Variants in OCIAD2 observed in about 807,000 individuals in gnomAD.
OCIAD2 encodes OCIA domain-containing protein 2.
A neutral mutation model predicts 22.9 loss-of-function variants in OCIAD2; 29 were observed. The ratio of observed to expected loss-of-function variants is 1.27; its 90% confidence interval spans 0.94 to 1.73. The LOEUF (loss-of-function observed/expected upper bound fraction) is 1.73. Among genes scored for constraint, OCIAD2 ranks in the 40% most tolerant of loss-of-function variants. The probability of loss-of-function intolerance (pLI) is 0.00; values close to 1 mark genes in which losing one functional copy is unlikely to be tolerated. For synonymous variants in OCIAD2, 67 were observed against 60.2 expected (o/e 1.11, Z -0.52); for missense variants, 189 against 180.3 (o/e 1.05, Z -0.28).
chr4:48,888,237 C>T (rs1781051177), intron 6 of OCIAD2, among the ~76,000 whole-genome samples: 1 of 152,118 alleles, frequency 6.6e-6, no homozygotes, highest in Non-Finnish European at 1.5e-5. Context: ...AGATTTTGGG[C>T]TGAGATGATG....
chr4:48,898,751 G>A (rs1422742448), intron 3 of OCIAD2, among the ~76,000 whole-genome samples: 1 of 152,166 alleles, frequency 6.6e-6, no homozygotes, highest in East Asian at 1.9e-4. Context: ...CATGTGTAAT[G>A]TTTAGCTATA....
chr4:48,888,956 C>T (rs1222857353), intron 6 of OCIAD2, among the ~76,000 whole-genome samples: 2 of 152,186 alleles, frequency 1.3e-5, no homozygotes, highest in East Asian at 1.9e-4. Context: ...GGCTGTGAAT[C>T]CGTCTGGTCC....
At chr4:48,894,448 G>T (rs1182167592) in intron 4 of OCIAD2, among the ~76,000 whole-genome samples, 1 of 152,012 alleles carries the variant, frequency 6.6e-6, no homozygotes, top group Non-Finnish European at 1.5e-5. Context: ...AGCTGAGATG[G>T]CACCGATGCA....
At chr4:48,886,589 T>C (rs1780996664) in intron 6 of OCIAD2, among the ~76,000 whole-genome samples, 1 of 150,192 alleles carries the variant, frequency 6.7e-6, no homozygotes, top group South Asian at 2.1e-4. Flanking sequence ...GAACATGCGG[T>C]GTTTGGTTTC....
At chr4:48,888,471 T>A (rs1354444326) in intron 6 of OCIAD2, among the ~76,000 whole-genome samples, 1 of 152,176 alleles carries the variant, frequency 6.6e-6, no homozygotes, top group African/African-American at 2.4e-5. Context: ...TGGCTGTGGG[T>A]TTGTCATAAA....
chr4:48,885,426 T>A lies in OCIAD2; in HGVS notation c.*58A>T. Reference sequence around the variant, plus strand: ...ATTTTATTTTAAAGTACACTTGAAATTTTAAATGTGTACAAATTCAGAGGT... The same window carrying A: ...ATTTTATTTTAAAGTACACTTGAAAATTTAAATGTGTACAAATTCAGAGGT... On this transcript the variant is annotated 3_prime_UTR_variant, in exon 7 of 7. Coordinates refer to ENST00000508632, the MANE Select transcript of OCIAD2 (RefSeq NM_001014446.3). 1 of 910,096 alleles carries A rather than the reference T, an allele frequency of 1.1e-6. No individual in the cohort carries two copies. The highest frequency in any genetic ancestry group is 1.4e-5 in the South Asian group (1 of 73,050). 56.4% of individuals were successfully genotyped at this position (910,096 alleles called of 1,614,324 possible).
chr4:48,899,507 T>G (rs1445896392), intron 3 of OCIAD2, among the ~76,000 whole-genome samples: 2 of 152,184 alleles, frequency 1.3e-5, no homozygotes, highest in East Asian at 3.8e-4. Context: ...TAGAGTCTGG[T>G]AGAATGTAGG....
At chr4:48,904,660 C>T in intron 1 of OCIAD2, 49 bp from the exon 2 acceptor site, 7 of 1,029,396 alleles carry the variant, frequency 6.8e-6, no homozygotes, top group South Asian at 5.2e-5. Flanking sequence ...ATGTTTGCAT[C>T]AAGCTTAAAA....
chr4:48,900,196 G>T (rs1781386757), intron 2 of OCIAD2, among the ~76,000 whole-genome samples: 1 of 143,740 alleles, frequency 7.0e-6, no homozygotes, highest in Non-Finnish European at 1.6e-5. Flanking sequence ...TTGCGATCAG[G>T]CTGAATCCCT....
intron 1 of OCIAD2, 64 bp from the exon 2 acceptor site, chr4:48,904,675 C>G (rs1781490715): frequency 1.2e-6 from 1 of 868,194 alleles, no homozygotes; most frequent in African/African-American, 1.7e-5. Context: ...TTAAAAGCAT[C>G]CTGAGGATCC....
At chr4:48,899,783 T>C (rs1781376814) in intron 3 of OCIAD2, 46 bp downstream of exon 3, 1 of 1,310,034 alleles carries the variant, frequency 7.6e-7, no homozygotes, top group South Asian at 1.2e-5. Flanking sequence ...TCTAATATGA[T>C]ATTTAGGCAG....
intron 2 of OCIAD2, among the ~76,000 whole-genome samples, chr4:48,901,846 T>G (rs1239520591): frequency 6.6e-6 from 1 of 152,138 alleles, no homozygotes; most frequent in African/African-American, 2.4e-5. Flanking sequence ...GGGCTCAAGT[T>G]AACCTCCCAC....
Position 48,885,414 on chromosome 4 carries a change from G to C in OCIAD2, c.*70C>G. 1 of 837,612 alleles carries C rather than the reference G, an allele frequency of 1.2e-6. No individual in the cohort carries two copies. Among genetic ancestry groups the C allele is most frequent in the Non-Finnish European group, 2.1e-6 (1 of 485,514 alleles). 51.9% of individuals were successfully genotyped at this position (837,612 alleles called of 1,614,324 possible). On this transcript the variant is annotated 3_prime_UTR_variant, in exon 7 of 7. Coordinates refer to ENST00000508632, the MANE Select transcript of OCIAD2 (RefSeq NM_001014446.3). ...TCCATTAGAAGTATTTTATTTTAAA[G>C]TACACTTGAAATTTTAAATGTGTAC...
chr4:48,888,246 T>C (rs1035566251), intron 6 of OCIAD2, among the ~76,000 whole-genome samples: 1 of 152,216 alleles, frequency 6.6e-6, no homozygotes, highest in African/African-American at 2.4e-5. Context: ...GCTGAGATGA[T>C]GGGGTTTTCT....
intron 1 of OCIAD2, among the ~76,000 whole-genome samples, chr4:48,906,330 T>TGG (rs1213100875): frequency 6.6e-6 from 1 of 151,930 alleles, no homozygotes; most frequent in Admixed American, 6.5e-5. Context: ...CGCCCCAGCA[T>TGG]GGGGGGCGGG....
At chr4:48,898,260 A>T (rs1461886324) in intron 3 of OCIAD2, among the ~76,000 whole-genome samples, 6 of 152,224 alleles carry the variant, frequency 3.9e-5, no homozygotes, top group Admixed American at 1.3e-4. Flanking sequence ...GATAAAAAGC[A>T]ATACAATAAA....
At chr4:48,889,316 G>A (rs1421888516) in intron 6 of OCIAD2, among the ~76,000 whole-genome samples, 1 of 151,832 alleles carries the variant, frequency 6.6e-6, no homozygotes, top group Admixed American at 6.6e-5. Flanking sequence ...TTTTTTGAAG[G>A]GTTTTTTATG....
At chr4:48,904,825 A>G (rs2109687475) in intron 1 of OCIAD2, among the ~76,000 whole-genome samples, 1 of 152,286 alleles carries the variant, frequency 6.6e-6, no homozygotes, top group East Asian at 1.9e-4. Context: ...GAGTGGAAAT[A>G]CCACACTGTG....
chr4:48,906,702 A>G lies in OCIAD2; in HGVS notation c.-107T>C, dbSNP rs1026454791. 4 of 152,666 alleles carry G rather than the reference A, an allele frequency of 2.6e-5. No homozygotes were observed. The highest frequency in any genetic ancestry group is 9.7e-5 in the African/African-American group (4 of 41,444). The allele number at this position is 152,666 out of a possible 1,614,324, so 9.5% of individuals were successfully genotyped here. On this transcript the variant is annotated 5_prime_UTR_variant, in exon 1 of 7. Transcript: ENST00000508632. The stretch of plus-strand genomic sequence containing the variant: ...TCCGAGGCCGAGTCCCTCGTTGCCA[A>G]GCCCAGCAGGCCTCGCTCCCCCGTG...
Sources: gnomAD v4.1 joint callset for allele counts (sites outside exome capture counted in the v4.1 genomes callset) on GRCh38, gnomAD v4.1.1 for gene constraint, MANE v1.5 for transcripts, NCBI Gene and HGNC (gene_info 2026-07-23, HGNC 2026-07-21) for gene names.